Variants in ZNF407 observed in about 807,000 individuals in gnomAD.
ZNF407 encodes zinc finger protein 407.
A neutral mutation model predicts 131.2 loss-of-function variants in ZNF407; 17 were observed. That is an observed-to-expected ratio of 0.13 (90% CI 0.09 to 0.19). The LOEUF (loss-of-function observed/expected upper bound fraction) is 0.19. Ranked by LOEUF, ZNF407 falls within the 10% of genes least tolerant of loss-of-function variation. The pLI, the probability that ZNF407 is intolerant of heterozygous loss-of-function variation, is 1.00. For missense variants in ZNF407, 2,681 were observed against 2,830.6 expected, an observed-to-expected ratio of 0.95 and a Z score of 1.20; for synonymous variants, 1,156 against 1,062.0, an observed-to-expected ratio of 1.09 and a Z score of -1.72.
chr18:74,747,342 A>G (rs1273022144), intron 3 of ZNF407, among the ~76,000 whole-genome samples: 1 of 152,178 alleles, frequency 6.6e-6, no homozygotes, highest in African/African-American at 2.4e-5. Flanking sequence ...TGCGTAATAC[A>G]TTTATTATGA....
intron 3 of ZNF407, among the ~76,000 whole-genome samples, chr18:74,746,438 T>A (rs1176369957): frequency 6.6e-6 from 1 of 152,202 alleles, no homozygotes; most frequent in Non-Finnish European, 1.5e-5. Context: ...TTTAAAGTTT[T>A]TGACTCCTTT....
intron 3 of ZNF407, among the ~76,000 whole-genome samples, chr18:74,657,533 C>T (rs117349424): frequency 0.017 from 2,517 of 152,256 alleles, 31 homozygotes; most frequent in Non-Finnish European, 0.027. Context: ...TCCTGTAGCC[C>T]TGCTGTTGTG....
In ZNF407 at chr18:75,064,218, G is replaced by A. The variant is rs1405761569; in HGVS notation, c.6497G>A (p.Gly2166Asp). Residue 2166 changes from glycine to aspartate, a missense_variant, in exon 9 of 9, where the codon GGC becomes GAC. Gly to Asp is a moderately conservative substitution (Grantham distance 94, BLOSUM62 -1). Around this residue, in one of 6 missense-constraint regions of ZNF407, gnomAD observed 620 missense variants for 583.1 expected, o/e 1.06. Transcript: ENST00000299687. ...VQESSGGFSEGTTHYILTELP... is the reference protein window; with the variant it reads ...VQESSGGFSEDTTHYILTELP... ...GAGTCCAGTGGCGGCTTCTCCGAGG[G>A]CACCACGCACTACATCCTGACAGAG... is the stretch of plus-strand genomic sequence containing the variant. 3 of 1,606,226 alleles carry A rather than the reference G, an allele frequency of 1.9e-6. No individual in the cohort carries two copies. Among genetic ancestry groups the A allele is most frequent in the Admixed American group, 1.7e-5 (1 of 59,362 alleles).
At chr18:74,708,924 G>A (rs1967692049) in intron 3 of ZNF407, among the ~76,000 whole-genome samples, 1 of 152,226 alleles carries the variant, frequency 6.6e-6, no homozygotes, top group Non-Finnish European at 1.5e-5. Context: ...GCCTCAGCAG[G>A]CTTAGGGCCT....
intron 3 of ZNF407, among the ~76,000 whole-genome samples, chr18:74,739,039 C>CT (rs1283480457): frequency 3.3e-5 from 5 of 151,172 alleles, no homozygotes; most frequent in Admixed American, 6.6e-5. Context: ...GCTTGATTAG[C>CT]TTTTTTTTAG....
intron 8 of ZNF407, among the ~76,000 whole-genome samples, chr18:75,001,961 T>C (rs1972850095): frequency 6.6e-6 from 1 of 152,112 alleles, no homozygotes; most frequent in Non-Finnish European, 1.5e-5. Context: ...CTGCTGAACA[T>C]TCTGCAATGC....
intron 1 of ZNF407, among the ~76,000 whole-genome samples, chr18:74,613,590 T>A (rs1351513263): frequency 6.6e-6 from 1 of 152,270 alleles, no homozygotes; most frequent in Non-Finnish European, 1.5e-5. Flanking sequence ...TGCCTGCATT[T>A]CAGACACATG....
intron 3 of ZNF407, among the ~76,000 whole-genome samples, chr18:74,752,180 C>T (rs188837532): frequency 1.3e-5 from 2 of 151,816 alleles, no homozygotes; most frequent in Admixed American, 6.6e-5. Context: ...TTTTTTGAGA[C>T]GTTTCTCTTC....
chr18:74,808,425 C>G (rs1970145993), intron 4 of ZNF407, among the ~76,000 whole-genome samples: 1 of 152,094 alleles, frequency 6.6e-6, no homozygotes, highest in Non-Finnish European at 1.5e-5. Context: ...ACAACAAAGT[C>G]TATAAAGAGT....
At chr18:74,863,093 A>G (rs1032629741) in intron 4 of ZNF407, among the ~76,000 whole-genome samples, 2 of 151,474 alleles carry the variant, frequency 1.3e-5, no homozygotes, top group Admixed American at 6.6e-5. Context: ...GCTATTTTTT[A>G]TATTTTTAGT....
At chr18:74,832,911 C>G (rs1218445972) in intron 4 of ZNF407, among the ~76,000 whole-genome samples, 1 of 152,010 alleles carries the variant, frequency 6.6e-6, no homozygotes, top group Non-Finnish European at 1.5e-5. Context: ...TTAAAACTAT[C>G]AATGGAAAAG....
At chr18:74,758,396 G>A (rs1330695300) in intron 3 of ZNF407, among the ~76,000 whole-genome samples, 2 of 151,776 alleles carry the variant, frequency 1.3e-5, no homozygotes, top group Admixed American at 6.6e-5. Flanking sequence ...TAGTTTTTAC[G>A]AATACCAACT....
In ZNF407 at chr18:74,716,640, T is replaced by G. The variant is rs1339799227; in HGVS notation, c.4803-64788T>G. ...TACCCTTATGAAACTGAAAACCTGC[T>G]TGGTGAAGTAAACAACACAAATTTC... On this transcript the variant is annotated intron_variant, in intron 3 of 8. Transcript: ENST00000299687. Among the ~76,000 whole-genome samples, 44 of 152,178 alleles carry G rather than the reference T, an allele frequency of 2.9e-4. 1 individual carries two copies. The highest frequency in any genetic ancestry group is 2.9e-3 in the Admixed American group (44 of 15,274).
intron 8 of ZNF407, among the ~76,000 whole-genome samples, chr18:75,008,391 A>G (rs532315109): frequency 6.6e-6 from 1 of 152,170 alleles, no homozygotes; most frequent in South Asian, 2.1e-4. Context: ...CTATATAGTT[A>G]TGGGACATAA....
chr18:75,048,179 C>T lies in ZNF407; in HGVS notation c.5429-14971C>T, dbSNP rs560173206. On this transcript the variant is annotated intron_variant, in intron 8 of 8. Transcript: ENST00000299687. This position sits in a 1 kb window ranked among gnomAD's most constrained non-coding sequence, Gnocchi z 4.1. ...TGTCAGCAGCACCAGGCCTGTGCCT[C>T]GTCTCCCGGTGACCTGTACAGACAC... Among the ~76,000 whole-genome samples the T allele has an allele frequency of 1.3e-5, 2 of 152,340 alleles. No individual in the cohort carries two copies. The highest frequency in any genetic ancestry group is 2.1e-4 in the South Asian group (1 of 4,834).
rs199937540 is a variant in ZNF407, at chr18:74,633,780, G to A, written c.2761G>A (p.Val921Ile). 4 of 1,613,856 alleles carry A rather than the reference G, an allele frequency of 2.5e-6. No homozygotes were observed. Among genetic ancestry groups the A allele is most frequent in the Non-Finnish European group, 3.4e-6 (4 of 1,179,886 alleles). ...ASGKHSSDII[V>I]GPEGGSLEAG... The stretch of plus-strand genomic sequence containing the variant: ...TGGAAAACACAGTTCAGATATCATT[G>A]TTGGCCCTGAAGGGGGTAGCCTTGA... The change falls in exon 2 of 9, where the codon GTT becomes ATT. Residue 921 changes from valine (V) to isoleucine (I), a missense_variant. Val to Ile is a conservative substitution (Grantham distance 29, BLOSUM62 3). Around this residue, in one of 6 missense-constraint regions of ZNF407, gnomAD observed 1,789 missense variants for 1,748.7 expected, o/e 1.02. Coordinates refer to ENST00000299687, the MANE Select transcript of ZNF407 (RefSeq NM_017757.3).
At chr18:74,666,416 G>T (rs1004725371) in intron 3 of ZNF407, among the ~76,000 whole-genome samples, 4 of 152,172 alleles carry the variant, frequency 2.6e-5, no homozygotes, top group Non-Finnish European at 5.9e-5. Flanking sequence ...GACTTGTGGT[G>T]ACGAAAGCCT....
intron 3 of ZNF407, among the ~76,000 whole-genome samples, chr18:74,699,788 A>G (rs1815647467): frequency 6.6e-6 from 1 of 152,228 alleles, no homozygotes; most frequent in Admixed American, 6.5e-5. Flanking sequence ...ATATTAAATC[A>G]TACTTTAAGT....
At chr18:74,602,882 A>C (rs957044685) in intron 1 of ZNF407, among the ~76,000 whole-genome samples, 5 of 152,126 alleles carry the variant, frequency 3.3e-5, no homozygotes, top group Non-Finnish European at 7.4e-5. Flanking sequence ...GCTGGGAAAC[A>C]CATCCTGCAC....
Sources: gnomAD v4.1 joint callset for allele counts (sites outside exome capture counted in the v4.1 genomes callset) on GRCh38, gnomAD v4.1.1 for gene constraint, gnomAD v4.1.1 regional missense constraint, Gnocchi (gnomAD v3.1) non-coding constraint, MANE v1.5 for transcripts, NCBI Gene and HGNC (gene_info 2026-07-23, HGNC 2026-07-21) for gene names.